CPQ: variants seen among roughly 807,000 people sequenced by gnomAD.
The protein encoded by CPQ is Ser-Met dipeptidase.
A neutral mutation model predicts 45.7 loss-of-function variants in CPQ; 37 were observed. The ratio of observed to expected loss-of-function variants is 0.81; its 90% confidence interval spans 0.62 to 1.07. The LOEUF is 1.07. Among genes scored for constraint, CPQ ranks in the 50% least tolerant of loss-of-function variants. The probability of loss-of-function intolerance (pLI) is 0.00; values close to 1 mark genes in which losing one functional copy is unlikely to be tolerated. For missense variants in CPQ, 537 were observed against 572.9 expected, an observed-to-expected ratio of 0.94 and a Z score of 0.64; for synonymous variants, 186 against 205.8, an observed-to-expected ratio of 0.90 and a Z score of 0.82.
intron 1 of CPQ, among the ~76,000 whole-genome samples, chr8:96,725,777 A>G (rs1326122856): frequency 6.6e-6 from 1 of 152,212 alleles, no homozygotes; most frequent in African/African-American, 2.4e-5. Context: ...AAAAAGACAC[A>G]TGCACTCATA....
intron 1 of CPQ, among the ~76,000 whole-genome samples, chr8:96,742,612 A>G (rs1248758598): frequency 6.6e-6 from 1 of 151,884 alleles, no homozygotes; most frequent in Non-Finnish European, 1.5e-5. Flanking sequence ...AGTGGCTGGT[A>G]CCGGTTGTTC....
chr8:96,704,832 T>C (rs1301711875), intron 1 of CPQ, among the ~76,000 whole-genome samples: 1 of 152,170 alleles, frequency 6.6e-6, no homozygotes, highest in Non-Finnish European at 1.5e-5. Flanking sequence ...GTGTTCAGTC[T>C]GGGAAATCTT....
At chr8:96,929,741 A>G (rs965703047) in intron 4 of CPQ, among the ~76,000 whole-genome samples, 9 of 152,182 alleles carry the variant, frequency 5.9e-5, no homozygotes, top group African/African-American at 1.2e-4. Flanking sequence ...TAAGCACCCA[A>G]ATGAATTCTA....
chr8:96,855,661 G>C (rs1188652532), intron 3 of CPQ, among the ~76,000 whole-genome samples: 4 of 152,200 alleles, frequency 2.6e-5, no homozygotes, highest in African/African-American at 9.7e-5. Flanking sequence ...GAATCCAATA[G>C]TGACTGTGAA....
chr8:96,987,909 G>A (rs78091006), intron 5 of CPQ, among the ~76,000 whole-genome samples: 1 of 152,102 alleles, frequency 6.6e-6, no homozygotes, highest in African/African-American at 2.4e-5. Context: ...TAACTTGATG[G>A]CATAAAGTGA....
At chr8:97,010,191 C>T in intron 5 of CPQ, among the ~76,000 whole-genome samples, 1 of 152,112 alleles carries the variant, frequency 6.6e-6, no homozygotes, top group Non-Finnish European at 1.5e-5. Context: ...TGAAGTCCAG[C>T]CTCTGTGGTC....
chr8:96,998,721 A>G (rs1183888995), intron 5 of CPQ, among the ~76,000 whole-genome samples: 1 of 151,932 alleles, frequency 6.6e-6, no homozygotes, highest in Non-Finnish European at 1.5e-5. Context: ...GCTTTCCTTG[A>G]TTACTAGAGG....
chr8:96,743,170 C>T (rs1048453809), intron 1 of CPQ, among the ~76,000 whole-genome samples: 5 of 152,152 alleles, frequency 3.3e-5, no homozygotes, highest in South Asian at 2.1e-4. Flanking sequence ...AGGCTTTGCT[C>T]GTTTCTTTTT....
At position 96,815,462 on chromosome 8, in the gene CPQ, A is replaced by G. The variant is rs888023334; in HGVS notation, c.434-19511A>G. Reference sequence around the variant, plus strand: ...TACAACTTAACAAGCAGAATGGGCTATTAAGGTCAGACCTGAGGAAAGCAG... The same window carrying G: ...TACAACTTAACAAGCAGAATGGGCTGTTAAGGTCAGACCTGAGGAAAGCAG... On this transcript the variant is annotated intron_variant, in intron 2 of 7. Coordinates refer to ENST00000220763, the MANE Select transcript of CPQ (RefSeq NM_016134.4). Among the ~76,000 whole-genome samples the G allele has an allele frequency of 3.9e-5, 6 of 151,976 alleles. No homozygotes were observed. In the East Asian group the frequency reaches 1.2e-3, roughly 30 times the overall value.
chr8:96,742,705 TA>T (rs1175429406), intron 1 of CPQ, among the ~76,000 whole-genome samples: 10 of 152,186 alleles, frequency 6.6e-5, no homozygotes, highest in African/African-American at 2.4e-4. Context: ...TGCTTGTCTG[TA>T]AAGTATTTTA....
intron 1 of CPQ, among the ~76,000 whole-genome samples, chr8:96,682,257 T>C (rs1809162061): frequency 6.6e-6 from 1 of 152,170 alleles, no homozygotes; most frequent in South Asian, 2.1e-4. Context: ...GGGAGGTAAT[T>C]GAATCACGAG....
intron 2 of CPQ, among the ~76,000 whole-genome samples, chr8:96,803,820 G>A (rs1231018330): frequency 3.9e-5 from 6 of 152,196 alleles, no homozygotes. Context: ...AACATACTGT[G>A]AGCCTGATTA....
chr8:96,745,176 C>G (rs1251062506), intron 1 of CPQ, among the ~76,000 whole-genome samples: 2 of 152,110 alleles, frequency 1.3e-5, no homozygotes, highest in Non-Finnish European at 2.9e-5. Flanking sequence ...GGCATGGTGG[C>G]TCATGCCTGT....
chr8:96,903,285 G>A (rs1812535902), intron 4 of CPQ, among the ~76,000 whole-genome samples: 1 of 152,198 alleles, frequency 6.6e-6, no homozygotes, highest in South Asian at 2.1e-4. Flanking sequence ...GGACTAAAAA[G>A]TGGAAACAAA....
Position 96,832,456 on chromosome 8 carries a change from T to C in CPQ, c.434-2517T>C, listed in dbSNP as rs547271936. ...GGTGCTTAATGACCAACTGGCTACA[T>C]GTACGCCAGGCACTGGGTTAGTCCC... On this transcript the variant is annotated intron_variant, in intron 2 of 7. Transcript: ENST00000220763. 1.4e-4 allele frequency among the ~76,000 whole-genome samples: 22 copies of C among 152,290 alleles called. No individual in the cohort carries two copies. The South Asian group carries it at 4.1e-3, about 29-fold the overall frequency.
chr8:97,065,876 A>G, intron 6 of CPQ, 133 bp from the exon 7 acceptor site: 1 of 824,814 alleles, frequency 1.2e-6, no homozygotes, highest in African/African-American at 1.7e-5. Context: ...GCAGACCTTA[A>G]GTCAGGCACA....
At chr8:96,924,963 G>T (rs533787139) in intron 4 of CPQ, among the ~76,000 whole-genome samples, 3 of 152,058 alleles carry the variant, frequency 2.0e-5, no homozygotes, top group Non-Finnish European at 4.4e-5. Flanking sequence ...AACCCCTTCT[G>T]CTCCACATAT....
At chr8:97,044,456 G>C (rs1215699232) in intron 6 of CPQ, among the ~76,000 whole-genome samples, 1 of 152,190 alleles carries the variant, frequency 6.6e-6, no homozygotes, top group African/African-American at 2.4e-5. Flanking sequence ...GGAGTAGTTT[G>C]ATTGTCTGAA....
chr8:96,884,338 C>T (rs1812271390), intron 4 of CPQ, among the ~76,000 whole-genome samples: 1 of 152,138 alleles, frequency 6.6e-6, no homozygotes, highest in Non-Finnish European at 1.5e-5. Flanking sequence ...CACTATTTCC[C>T]CCCGATTTTT....
Sources: allele counts gnomAD v4.1 joint callset (sites outside exome capture counted in the v4.1 genomes callset), GRCh38; gene constraint gnomAD v4.1.1; transcripts MANE v1.5; gene names NCBI Gene and HGNC (gene_info 2026-07-23, HGNC 2026-07-21).